PLXNA1: variants seen among roughly 807,000 people sequenced by gnomAD.
PLXNA1 encodes the protein plexin A1.
Under a neutral mutation model 191.7 loss-of-function variants are expected in PLXNA1, and 77 were observed. That is an observed-to-expected ratio of 0.40 (90% CI 0.33 to 0.49). The LOEUF is 0.49. Ranked by LOEUF, PLXNA1 falls within the 20% of genes least tolerant of loss-of-function variation. The pLI is 0.63. For synonymous variants in PLXNA1, 1,137 were observed against 1,156.4 expected (o/e 0.98, Z 0.34); for missense variants, 2,110 against 2,660.2 (o/e 0.79, Z 4.55).
intron 4 of PLXNA1, 86 bp from the exon 5 acceptor site, chr3:127,004,525 G>A (rs1014932562): frequency 1.2e-5 from 11 of 943,256 alleles, no homozygotes; most frequent in African/African-American, 3.3e-5. Context: ...CCGGGCCTAA[G>A]GAGAGCAGAG....
chr3:127,025,341 G>C (rs1161380604), intron 23 of PLXNA1, among the ~76,000 whole-genome samples: 1 of 152,062 alleles, frequency 6.6e-6, no homozygotes, highest in Non-Finnish European at 1.5e-5. Context: ...TTTTCAAACT[G>C]GCTCCCTTCA....
intron 3 of PLXNA1, 110 bp downstream of exon 3, chr3:126,991,676 C>T: frequency 5.0e-6 from 6 of 1,204,356 alleles, no homozygotes; most frequent in Non-Finnish European, 5.6e-6. Context: ...GAGGCTAGAT[C>T]TGGCGTACAG....
At chr3:127,022,654 G>A (rs921003639) in intron 22 of PLXNA1, 98 bp from the exon 23 acceptor site, 3 of 1,100,874 alleles carry the variant, frequency 2.7e-6, no homozygotes, top group Non-Finnish European at 2.8e-6. Flanking sequence ...AGGAAGGGGG[G>A]CAGGGTGGGG....
At position 127,004,977 on chromosome 3, in the gene PLXNA1, G is replaced by A. The variant is rs763333526; in HGVS notation, c.1712G>A (p.Arg571His). 6.2e-6 allele frequency: 10 copies of A among 1,609,870 alleles called. No homozygotes were observed. The highest frequency in any genetic ancestry group is 2.2e-5 in the East Asian group (1 of 44,790). ...TGTGTGCAGCTGACTGTGCAGCCCC[G>A]CAATGTGTCTGTCACCATGTCCCAG... ...LQCVQLTVQP[R>H]NVSVTMSQVP... Residue 571 changes from arginine (R) to histidine (H), a missense_variant, in exon 6 of 32, where the codon CGC becomes CAC. Arg to His is a conservative substitution (Grantham distance 29). Coordinates refer to ENST00000393409, the MANE Select transcript of PLXNA1 (RefSeq NM_032242.4).
intron 8 of PLXNA1, among the ~76,000 whole-genome samples, chr3:127,006,634 C>A (rs1437000051): frequency 1.3e-5 from 2 of 152,148 alleles, no homozygotes; most frequent in Admixed American, 1.3e-4. Context: ...GAGCAGGGGC[C>A]CAGACACGGC....
rs778256624 is a variant in PLXNA1 at position 127,004,938 on chromosome 3, C to A, written c.1673C>A (p.Ala558Glu). 9 of 1,608,752 alleles carry A rather than the reference C, an allele frequency of 5.6e-6. No homozygotes were observed. The highest frequency in any genetic ancestry group is 7.6e-6 in the Non-Finnish European group (9 of 1,176,832). The change falls in exon 6 of 32, where the codon GCG becomes GAG. Residue 558 changes from alanine to glutamate, a missense_variant. By Grantham distance (107) the Ala-to-Glu change is moderately radical. Transcript: ENST00000393409. ...ERADEPQRFA[A>E]DLLQCVQLTV... ...GCAGACGAGCCCCAGCGCTTTGCTG[C>A]GGACCTGCTGCAGTGTGTGCAGCTG... is the stretch of plus-strand genomic sequence containing the variant.
intron 15 of PLXNA1, 61 bp downstream of exon 15, chr3:127,015,381 A>G (rs2079118014): frequency 1.9e-6 from 3 of 1,554,676 alleles, no homozygotes; most frequent in Non-Finnish European, 2.6e-6. Context: ...AGATGGTTGC[A>G]TGCCCCTTCT....
chr3:127,032,867 T>C, intron 31 of PLXNA1, 31 bp downstream of exon 31: 2 of 1,604,354 alleles, frequency 1.2e-6, no homozygotes, highest in Non-Finnish European at 1.7e-6. Context: ...CAGGCTGGGC[T>C]AGGAGGGCTT....
In PLXNA1 at chr3:127,033,959, G is replaced by A. The variant is rs142886279; in HGVS notation, c.5633G>A (p.Arg1878Gln). The A allele has an allele frequency of 2.2e-5, 35 of 1,605,896 alleles. No homozygotes were observed. The highest frequency in any genetic ancestry group is 2.5e-5 in the Non-Finnish European group (30 of 1,177,686). The change falls in exon 32 of 32, where the codon CGG (arginine) becomes CAG (glutamine). Residue 1878 changes from arginine (R) to glutamine (Q), a missense_variant. Physicochemically the swap from Arg to Gln is conservative, Grantham distance 43. Around this residue, in one of 4 missense-constraint regions of PLXNA1, gnomAD observed 559 missense variants for 911.5 expected, o/e 0.61. Coordinates refer to ENST00000393409, the MANE Select transcript of PLXNA1 (RefSeq NM_032242.4). Reference sequence around the variant, plus strand: ...CTGGAGAAGGATGAGCAGGCGCGGCGGCAGCGGCTGCGGAGCAAGCTGGAG... The same window carrying A: ...CTGGAGAAGGATGAGCAGGCGCGGCAGCAGCGGCTGCGGAGCAAGCTGGAG... ...AALEKDEQAR[R>Q]QRLRSKLEQV...
chr3:127,008,367 G>A lies in PLXNA1; in HGVS notation c.2112+454G>A, dbSNP rs538814355. Among the ~76,000 whole-genome samples, 24 of 152,302 alleles carry A rather than the reference G, an allele frequency of 1.6e-4. No homozygotes were observed. In the East Asian group the frequency reaches 3.9e-3, roughly 24 times the overall value. On this transcript the variant is annotated intron_variant, in intron 9 of 31. Transcript: ENST00000393409. ...GGGCAGGGGAGCTTGCCGGCCTAGC[G>A]TGCCTGAAGGCTGGTGGGTTCTGGA...
intron 9 of PLXNA1, among the ~76,000 whole-genome samples, chr3:127,011,023 C>T (rs568969656): frequency 2.0e-5 from 3 of 152,316 alleles, no homozygotes; most frequent in African/African-American, 7.2e-5. Context: ...CACGGTGGCC[C>T]GTGTCACGGT....
intron 21 of PLXNA1, 134 bp downstream of exon 21, chr3:127,020,478 C>T (rs2079147040): frequency 6.1e-6 from 7 of 1,152,346 alleles, no homozygotes; most frequent in Non-Finnish European, 8.4e-6. Context: ...GCCTGCAGGG[C>T]TCTGGGCTCA....
chr3:126,991,424 A>C lies in PLXNA1; in HGVS notation c.1235A>C (p.Asn412Thr), dbSNP rs1576669157. 1 of 1,612,812 alleles carries C rather than the reference A, an allele frequency of 6.2e-7. No individual in the cohort carries two copies. The highest frequency in any genetic ancestry group is 8.5e-7 in the Non-Finnish European group (1 of 1,179,866). ...GACGACTTCTGCGGGCAGGACTTCA[A>C]CCAGCCCCTGGGGGGCACAGTCACC... is the stretch of plus-strand genomic sequence containing the variant. Reference protein sequence around the residue: ...IDDDFCGQDFNQPLGGTVTIE... With the variant: ...IDDDFCGQDFTQPLGGTVTIE... The change falls in exon 3 of 32, where the codon AAC becomes ACC. Residue 412 changes from asparagine (N) to threonine (T), a missense_variant. This residue lies in a region of PLXNA1 where 903 missense variants were observed against 1,015.7 expected (regional missense o/e 0.89). Transcript: ENST00000393409.
rs201832587 is a variant in PLXNA1 at position 127,029,456 on chromosome 3, C to T, written c.4790C>T (p.Ser1597Leu). The T allele has an allele frequency of 1.1e-4, 176 of 1,613,712 alleles. No homozygotes were observed. Among genetic ancestry groups the T allele is most frequent in the Non-Finnish European group, 9.0e-5 (106 of 1,179,946 alleles). The change falls in exon 27 of 32, where the codon TCG (serine) becomes TTG (leucine). Residue 1597 changes from serine (S) to leucine (L), a missense_variant. Ser to Leu is a moderately radical substitution (Grantham distance 145). Coordinates refer to ENST00000393409, the MANE Select transcript of PLXNA1 (RefSeq NM_032242.4). ...LAHYQVTDGSSVALVPKQTSA... is the reference protein window; with the variant it reads ...LAHYQVTDGSLVALVPKQTSA... ...TGCCCACAGGTGACAGACGGGTCCTCGGTGGCACTGGTGCCCAAGCAGACG... is the reference window on the plus strand; with the variant it reads ...TGCCCACAGGTGACAGACGGGTCCTTGGTGGCACTGGTGCCCAAGCAGACG...
In PLXNA1 at chr3:127,017,549, G is replaced by C. The variant is rs151338706; in HGVS notation, c.3401G>C (p.Arg1134Pro). 6.2e-7 allele frequency: 1 copy of C among 1,613,666 alleles called. No individual in the cohort carries two copies. The highest frequency in any genetic ancestry group is 2.2e-5 in the East Asian group (1 of 44,862). The change falls in exon 18 of 32, where the codon CGC becomes CCC. Residue 1134 changes from arginine (R) to proline (P), a missense_variant. Arg to Pro is a moderately radical substitution (Grantham distance 103). Transcript: ENST00000393409. ...DELGFVMDNVRSLLVLNSTSF... is the reference protein window; with the variant it reads ...DELGFVMDNVPSLLVLNSTSF... ...CTGGGCTTCGTCATGGACAACGTGC[G>C]CTCCCTGCTTGTGCTCAACTCCACC...
At chr3:126,992,857 G>A (rs576099538) in intron 3 of PLXNA1, among the ~76,000 whole-genome samples, 18 of 152,200 alleles carry the variant, frequency 1.2e-4, no homozygotes, top group Admixed American at 7.2e-4. Context: ...GGCCCCTCCC[G>A]TCCTCTCAGC....
intron 1 of PLXNA1, among the ~76,000 whole-genome samples, chr3:126,983,639 C>T (rs1248417394): frequency 2.7e-5 from 4 of 149,558 alleles, no homozygotes; most frequent in African/African-American, 9.7e-5. Flanking sequence ...CCCGCCGAGC[C>T]CCGCGGCAGC....
At position 127,014,086 on chromosome 3, in the gene PLXNA1, T is replaced by G. The variant is rs758953798; in HGVS notation, c.2380T>G (p.Phe794Val). 6.2e-7 allele frequency: 1 copy of G among 1,613,918 alleles called. No individual in the cohort carries two copies. Among genetic ancestry groups the G allele is most frequent in the Non-Finnish European group, 8.5e-7 (1 of 1,179,966 alleles). The change falls in exon 11 of 32, where the codon TTT becomes GTT. Residue 794 changes from phenylalanine (F) to valine (V), a missense_variant. By Grantham distance (50) the Phe-to-Val change is conservative. Around this residue, in one of 4 missense-constraint regions of PLXNA1, gnomAD observed 644 missense variants for 714.3 expected, o/e 0.90. Transcript: ENST00000393409. ...VNLSVVWNGNFVIDNPQNIQA... is the reference protein window; with the variant it reads ...VNLSVVWNGNVVIDNPQNIQA... ...CCTGTCAGTCGTGTGGAACGGCAAC[T>G]TTGTCATTGACAACCCACAGAACAT...
rs1197499434 is a variant in PLXNA1 at position 126,988,907 on chromosome 3, C to T, written c.314C>T (p.Pro105Leu). Residue 105 changes from proline (P) to leucine (L), a missense_variant, in exon 2 of 32, where the codon CCC (proline) becomes CTC (leucine). By Grantham distance (98) the Pro-to-Leu change is moderately conservative. Transcript: ENST00000393409. Reference protein sequence around the residue: ...CYPPPSVQSCPHGLGSTDNVN... With the variant: ...CYPPPSVQSCLHGLGSTDNVN... ...CCGCCGCCCAGCGTGCAGTCCTGCC[C>T]CCACGGCCTGGGCAGTACTGACAAC... 6.2e-7 allele frequency: 1 copy of T among 1,613,268 alleles called. No individual in the cohort carries two copies. The highest frequency in any genetic ancestry group is 1.7e-5 in the Admixed American group (1 of 60,036).
Sources: gnomAD v4.1 joint callset for allele counts (sites outside exome capture counted in the v4.1 genomes callset) on GRCh38, gnomAD v4.1.1 for gene constraint, gnomAD v4.1.1 regional missense constraint, MANE v1.5 for transcripts, NCBI Gene and HGNC (gene_info 2026-07-23, HGNC 2026-07-21) for gene names.